The following TBCD variants were observed in gnomAD, a reference collection of about 807,000 sequenced individuals.
The protein encoded by TBCD is tubulin folding cofactor D.
In TBCD, 105 loss-of-function variants were observed where a neutral mutation model predicts 169.3. The ratio of observed to expected loss-of-function variants is 0.62; its 90% CI spans 0.53 to 0.73. TBCD has a LOEUF of 0.73. Ranked by LOEUF, TBCD falls within the 30% of genes least tolerant of loss-of-function variation. The pLI is 0.00. For synonymous variants in TBCD, 700 were observed against 643.9 expected (o/e 1.09, Z -1.32); for missense variants, 1,444 against 1,600.1 (o/e 0.90, Z 1.66).
rs760759693 is a variant in TBCD at position 82,923,047 on chromosome 17, G to A, written c.2179-605G>A. ...GGTTCCCGGGGGTCTCCTGCTGTCCGGCCCCAACTCCTGTTCCCAGTGCGC... is the reference window on the plus strand; with the variant it reads ...GGTTCCCGGGGGTCTCCTGCTGTCCAGCCCCAACTCCTGTTCCCAGTGCGC... On this transcript the variant is annotated intron_variant, in intron 25 of 38. Transcript: ENST00000355528. The surrounding 1 kb of genome is among the most constrained non-coding windows in gnomAD (Gnocchi z 4.6). Among the ~76,000 whole-genome samples the A allele has an allele frequency of 1.3e-5, 2 of 152,150 alleles. No individual in the cohort carries two copies. The highest frequency in any genetic ancestry group is 2.9e-5 in the Non-Finnish European group (2 of 68,032).
At position 82,938,123 on chromosome 17, in the gene TBCD, A is replaced by G. The variant is rs1388100327; in HGVS notation, c.3356A>G (p.His1119Arg). 4 of 1,612,106 alleles carry G rather than the reference A, an allele frequency of 2.5e-6. No individual in the cohort carries two copies. Among genetic ancestry groups the G allele is most frequent in the Non-Finnish European group, 3.4e-6 (4 of 1,179,784 alleles). Residue 1119 changes from histidine (H) to arginine (R), a missense_variant, in exon 36 of 39, where the codon CAC (histidine) becomes CGC (arginine). Coordinates refer to ENST00000355528, the MANE Select transcript of TBCD (RefSeq NM_005993.5). ...ALLQLCLLLC[H>R]RFPLIRKTTA... ...CTGCAGCTGTGTCTGCTCCTCTGCC[A>G]CCGTTTCCCGCTGGTGAGTGCCTGC... is the stretch of plus-strand genomic sequence containing the variant.
intron 36 of TBCD, chr17:82,938,962 AAAG>A: frequency 3.5e-6 from 1 of 289,520 alleles, no homozygotes; most frequent in South Asian, 3.3e-5. Context: ...TCTCTGATGA[AAAG>A]AGAGCAGGCG....
chr17:82,836,374 A>C (rs986888040), intron 13 of TBCD, among the ~76,000 whole-genome samples: 22 of 152,254 alleles, frequency 1.4e-4, no homozygotes, highest in African/African-American at 5.1e-4. Context: ...TGATGATTTC[A>C]TCACTAGCTG....
intron 13 of TBCD, among the ~76,000 whole-genome samples, chr17:82,850,928 T>C (rs969036889): frequency 6.6e-6 from 1 of 152,250 alleles, no homozygotes; most frequent in African/African-American, 2.4e-5. Flanking sequence ...GATATAGATA[T>C]GTATAAAACG....
chr17:82,861,570 G>A (rs1197582990), intron 13 of TBCD, among the ~76,000 whole-genome samples: 1 of 152,272 alleles, frequency 6.6e-6, no homozygotes, highest in East Asian at 1.9e-4. Flanking sequence ...CACTGGCCAT[G>A]TGTCCGGAGA....
chr17:82,934,302 C>T (rs2062444434), intron 34 of TBCD, among the ~76,000 whole-genome samples: 1 of 152,212 alleles, frequency 6.6e-6, no homozygotes, highest in African/African-American at 2.4e-5. Context: ...CTTTGCTGGA[C>T]GCTGCACATG....
At chr17:82,850,563 T>TTTTGC (rs1279466290) in intron 13 of TBCD, among the ~76,000 whole-genome samples, 3 of 144,358 alleles carry the variant, frequency 2.1e-5, no homozygotes, top group Non-Finnish European at 3.1e-5. Flanking sequence ...GGCTGTGCTG[T>TTTTGC]TGTTGGCTGT....
chr17:82,772,525 A>G lies in TBCD; in HGVS notation c.638+18A>G, dbSNP rs1356629900. ...GTGTCCAGGTAAGTTTCCATGGCAC[A>G]TTTCTTGGTGTGTGGCTGGTGGGTT... On this transcript the variant is annotated intron_variant, in intron 6 of 38. Transcript: ENST00000355528. The G allele has an allele frequency of 8.1e-6, 13 of 1,613,410 alleles. No individual in the cohort carries two copies. The highest frequency in any genetic ancestry group is 1.3e-5 in the African/African-American group (1 of 74,792).
chr17:82,846,423 G>A, intron 13 of TBCD, among the ~76,000 whole-genome samples: 1 of 152,218 alleles, frequency 6.6e-6, no homozygotes, highest in Non-Finnish European at 1.5e-5. Flanking sequence ...CTCTCTTTGG[G>A]ACTTCCATTG....
In TBCD at chr17:82,835,403, A is replaced by G. The variant is rs1196080227; in HGVS notation, c.1318+20469A>G. ...TTGTTCTCAGCAAACTGGTTTCTCT[A>G]CTGATTTATTCATATTTCTTTCTTT... On this transcript the variant is annotated intron_variant, in intron 13 of 38. Coordinates refer to ENST00000355528, the MANE Select transcript of TBCD (RefSeq NM_005993.5). The surrounding 1 kb of genome is among the most constrained non-coding windows in gnomAD (Gnocchi z 4.5). Among the ~76,000 whole-genome samples, 1 of 151,320 alleles carries G rather than the reference A, an allele frequency of 6.6e-6. No individual in the cohort carries two copies. Among genetic ancestry groups the G allele is most frequent in the Non-Finnish European group, 1.5e-5 (1 of 67,736 alleles).
At position 82,887,174 on chromosome 17, in the gene TBCD, CGCGCGCACGT is replaced by C. The variant is rs1478511254; in HGVS notation, c.1534-2489_1534-2480del. ...GTGTGTGTGTGTGTGTGTGTGCGCG[CGCGCGCACGT>C]GCGCTCACGCGTTTACTTCTGTGTG... On this transcript the variant is annotated intron_variant, in intron 15 of 38. Transcript: ENST00000355528. Among the ~76,000 whole-genome samples the C allele has an allele frequency of 8.7e-3, 523 of 60,182 alleles. 5 individuals are homozygous for C. Among genetic ancestry groups the C allele is most frequent in the African/African-American group, 0.032 (439 of 13,648 alleles). The allele number at this position is 60,182 out of a possible 152,430, so 39.5% of individuals were successfully genotyped here. A position where few individuals can be genotyped will look rare whatever the true frequency, so the allele number is the denominator to read the frequency against.
rs758563560 is a variant in TBCD at position 82,806,811 on chromosome 17, G to A, written c.1088-797G>A. Among the ~76,000 whole-genome samples, 10 of 152,110 alleles carry A rather than the reference G, an allele frequency of 6.6e-5. No individual in the cohort carries two copies. Among genetic ancestry groups the A allele is most frequent in the Non-Finnish European group, 1.3e-4 (9 of 68,016 alleles). On this transcript the variant is annotated intron_variant, in intron 10 of 38. Transcript: ENST00000355528. This position sits in a 1 kb window ranked among gnomAD's most constrained non-coding sequence, Gnocchi z 5.1. ...CCAGCCCCGAGCCAGCATCCACTCC[G>A]GCCCTTCCCTTGACCTTTGCTTCTC... is the stretch of plus-strand genomic sequence containing the variant.
At chr17:82,940,300 A>G (rs1476174884) in intron 37 of TBCD, among the ~76,000 whole-genome samples, 1 of 152,068 alleles carries the variant, frequency 6.6e-6, no homozygotes, top group African/African-American at 2.4e-5. Context: ...GACTGAAGCA[A>G]CCAGAGGCTG....
At position 82,884,326 on chromosome 17, in the gene TBCD, C is replaced by T. The variant is rs899627387; in HGVS notation, c.1533+124C>T. The T allele has an allele frequency of 6.7e-6, 6 of 898,868 alleles. No homozygotes were observed. The highest frequency in any genetic ancestry group is 1.1e-5 in the Non-Finnish European group (6 of 567,538). 55.7% of individuals were successfully genotyped at this position (898,868 alleles called of 1,614,324 possible). ...ATCCACAGCAGGAGCCGCGAGGGAG[C>T]TGCTGAGAGTGCCAGCTGCGGGCAG... On this transcript the variant is annotated intron_variant, in intron 15 of 38. Transcript: ENST00000355528. The surrounding 1 kb of genome is among the most constrained non-coding windows in gnomAD (Gnocchi z 4.2).
At chr17:82,849,901 T>TGTTGGCTGTGCTGC (rs1567886323) in intron 13 of TBCD, among the ~76,000 whole-genome samples, 3 of 147,572 alleles carry the variant, frequency 2.0e-5, no homozygotes, top group Non-Finnish European at 4.5e-5. Context: ...GGCTGTGCTG[T>TGTTGGCTGTGCTGC]TGTTGGCTGT....
chr17:82,926,500 CAA>C lies in TBCD; in HGVS notation c.2471+10_2471+11del, dbSNP rs754638375. 3.1e-6 allele frequency: 5 copies of C among 1,612,664 alleles called. No individual in the cohort carries two copies. The Admixed American group carries it at 8.3e-5, about 27-fold the overall frequency. On this transcript the variant is annotated intron_variant, in intron 28 of 38. Coordinates refer to ENST00000355528, the MANE Select transcript of TBCD (RefSeq NM_005993.5). ...TTGAAGGCCATTGCGAGGTGAGTCC[CAA>C]CAGTTCCTCCCTAAAGTCGTAAGTC... is the stretch of plus-strand genomic sequence containing the variant.
At position 82,884,316 on chromosome 17, in the gene TBCD, C is replaced by T. The variant is rs543618766; in HGVS notation, c.1533+114C>T. 6 of 980,176 alleles carry T rather than the reference C, an allele frequency of 6.1e-6. No individual in the cohort carries two copies. The highest frequency in any genetic ancestry group is 1.4e-5 in the South Asian group (1 of 71,802). 60.7% of individuals were successfully genotyped at this position (980,176 alleles called of 1,614,324 possible). A position where few individuals can be genotyped will look rare whatever the true frequency, so the allele number is the denominator to read the frequency against. Reference sequence around the variant, plus strand: ...CAGCTCACCCATCCACAGCAGGAGCCGCGAGGGAGCTGCTGAGAGTGCCAG... The same window carrying T: ...CAGCTCACCCATCCACAGCAGGAGCTGCGAGGGAGCTGCTGAGAGTGCCAG... On this transcript the variant is annotated intron_variant, in intron 15 of 38. Transcript: ENST00000355528. This position sits in a 1 kb window ranked among gnomAD's most constrained non-coding sequence, Gnocchi z 4.2.
chr17:82,795,301 C>A (rs1176621088), intron 7 of TBCD, among the ~76,000 whole-genome samples: 1 of 152,168 alleles, frequency 6.6e-6, no homozygotes, highest in Non-Finnish European at 1.5e-5. Context: ...GACATGTTAG[C>A]CCGTTGCTGA....
intron 2 of TBCD, among the ~76,000 whole-genome samples, chr17:82,757,663 T>A (rs760560799): frequency 2.6e-5 from 4 of 151,082 alleles, no homozygotes; most frequent in Non-Finnish European, 5.9e-5. Context: ...AAATTCGGGA[T>A]TCAAGAATTC....
Sources: gnomAD v4.1 joint callset for allele counts (sites outside exome capture counted in the v4.1 genomes callset) on GRCh38, gnomAD v4.1.1 for gene constraint, Gnocchi (gnomAD v3.1) non-coding constraint, MANE v1.5 for transcripts, NCBI Gene and HGNC (gene_info 2026-07-23, HGNC 2026-07-21) for gene names.